The following NCAM2 variants were observed in gnomAD, a reference collection of about 807,000 sequenced individuals.
NCAM2 encodes neural cell adhesion molecule 2.
NCAM2 carries 30 observed loss-of-function variants against 98.1 expected under a neutral mutation model. The ratio of observed to expected loss-of-function variants is 0.31; its 90% CI spans 0.23 to 0.41. NCAM2 has a LOEUF of 0.41. NCAM2 is among the 10% of genes least tolerant of loss of function. The probability of loss-of-function intolerance (pLI) is 1.00; values close to 1 mark genes in which losing one functional copy is unlikely to be tolerated. For synonymous variants in NCAM2, 368 were observed against 342.4 expected (o/e 1.07, Z -0.83); for missense variants, 867 against 1,005.8 (o/e 0.86, Z 1.87).
chr21:21,264,026 C>G (rs1004144519), intron 1 of NCAM2, among the ~76,000 whole-genome samples: 1 of 152,046 alleles, frequency 6.6e-6, no homozygotes, highest in Admixed American at 6.6e-5. Context: ...ATCTGCACAG[C>G]AAAAGAAACC....
chr21:21,407,910 C>T (rs1291549836), intron 9 of NCAM2, among the ~76,000 whole-genome samples: 1 of 152,048 alleles, frequency 6.6e-6, no homozygotes, highest in African/African-American at 2.4e-5. Flanking sequence ...ATAGTTGTTC[C>T]TTTAATCAGT....
At chr21:21,210,771 C>T (rs2069621564) in intron 1 of NCAM2, 5 of 602,108 alleles carry the variant, frequency 8.3e-6, no homozygotes, top group Non-Finnish European at 1.2e-5. Context: ...TGGAGAACAT[C>T]TTATTTACTA....
In NCAM2 at chr21:21,071,119, G is replaced by T. The variant is rs569709925; in HGVS notation, c.55+72501G>T. Among the ~76,000 whole-genome samples, 42 of 152,230 alleles carry T rather than the reference G, an allele frequency of 2.8e-4. No individual in the cohort carries two copies. In the South Asian group the frequency reaches 4.8e-3, roughly 17 times the overall value. ...TGAGCAGTCACAAAATGAGATAAAG[G>T]TTTCAGTGTTTTCACGAAAAACTGA... is the stretch of plus-strand genomic sequence containing the variant. On this transcript the variant is annotated intron_variant, in intron 1 of 17. Coordinates refer to ENST00000400546, the MANE Select transcript of NCAM2 (RefSeq NM_004540.5).
rs1326123181 is a variant in NCAM2 at position 20,998,441 on chromosome 21, G to C, written c.-123G>C. 1.2e-6 allele frequency: 1 copy of C among 849,866 alleles called. No individual in the cohort carries two copies. Among genetic ancestry groups the C allele is most frequent in the African/African-American group, 1.7e-5 (1 of 57,530 alleles). 52.6% of individuals were successfully genotyped at this position (849,866 alleles called of 1,614,324 possible). ...GAGGAGGAGCGCGCGGGCTGCGGGC[G>C]GCTGGGGCACCGCGGGAGCGGCGGC... On this transcript the variant is annotated 5_prime_UTR_variant, in exon 1 of 18. Transcript: ENST00000400546.
chr21:21,349,448 A>G (rs1484676635), intron 8 of NCAM2, among the ~76,000 whole-genome samples: 1 of 152,186 alleles, frequency 6.6e-6, no homozygotes, highest in Non-Finnish European at 1.5e-5. Context: ...ACAAGGACGT[A>G]TAGAAAAGGG....
intron 12 of NCAM2, among the ~76,000 whole-genome samples, chr21:21,446,361 A>G (rs984810688): frequency 6.6e-6 from 1 of 151,758 alleles, no homozygotes; most frequent in Non-Finnish European, 1.5e-5. Flanking sequence ...ATTTTCCTAA[A>G]TTTGCATGTT....
At chr21:21,290,294 TTCC>T (rs1284538085) in intron 4 of NCAM2, 1 of 151,900 alleles carries the variant, frequency 6.6e-6, no homozygotes, top group Non-Finnish European at 1.5e-5. Context: ...TATGATAGTG[TTCC>T]TCTTCATTTT....
intron 14 of NCAM2, among the ~76,000 whole-genome samples, chr21:21,471,216 A>C (rs1984399638): frequency 6.6e-6 from 1 of 151,984 alleles, no homozygotes; most frequent in South Asian, 2.1e-4. Context: ...ATATCACTTG[A>C]TAGTATGCCT....
rs144137032 is a variant in NCAM2, at chr21:21,064,856, C to T, written c.55+66238C>T. The stretch of plus-strand genomic sequence containing the variant: ...TTGATCAACGGGCAACATGATTACT[C>T]TGTGCTCATTTCTTTTCTAGGGTTA... On this transcript the variant is annotated intron_variant, in intron 1 of 17. Coordinates refer to ENST00000400546, the MANE Select transcript of NCAM2 (RefSeq NM_004540.5). Among the ~76,000 whole-genome samples the T allele has an allele frequency of 4.1e-3, 627 of 152,216 alleles. 5 individuals are homozygous for T. The highest frequency in any genetic ancestry group is 0.014 in the African/African-American group (589 of 41,538).
At chr21:21,390,955 T>A (rs545964931) in intron 9 of NCAM2, among the ~76,000 whole-genome samples, 1 of 152,338 alleles carries the variant, frequency 6.6e-6, no homozygotes, top group South Asian at 2.1e-4. Context: ...CACATATTGA[T>A]AAGAAAAACA....
intron 1 of NCAM2, among the ~76,000 whole-genome samples, chr21:21,006,042 AG>A (rs1262531556): frequency 1.3e-5 from 2 of 152,202 alleles, no homozygotes; most frequent in African/African-American, 4.8e-5. Context: ...TGATTTGCCC[AG>A]AGATTTTAAG....
chr21:21,542,749 G>C lies in NCAM2; in HGVS notation c.*4792G>C, dbSNP rs113973812. 6.6e-6 allele frequency: 1 copy of C among 151,828 alleles called. No homozygotes were observed. The highest frequency in any genetic ancestry group is 2.4e-5 in the African/African-American group (1 of 41,408). 9.4% of individuals were successfully genotyped at this position (151,828 alleles called of 1,614,324 possible). ...TTGAGAAGTGCTAGACCAGGGACTA[G>C]GAACGTTGCTTAGATAAAAATTATG... On this transcript the variant is annotated 3_prime_UTR_variant, in exon 18 of 18. Transcript: ENST00000400546.
intron 15 of NCAM2, among the ~76,000 whole-genome samples, chr21:21,485,972 C>A (rs1462929728): frequency 6.6e-6 from 1 of 151,962 alleles, no homozygotes; most frequent in Non-Finnish European, 1.5e-5. Flanking sequence ...TAGTAATAGA[C>A]CTGTAGACTG....
At position 21,027,072 on chromosome 21, in the gene NCAM2, G is replaced by A. The variant is rs1361453472; in HGVS notation, c.55+28454G>A. 4.6e-5 allele frequency among the ~76,000 whole-genome samples: 7 copies of A among 151,928 alleles called. No individual in the cohort carries two copies. The East Asian group carries it at 5.8e-4, about 13-fold the overall frequency. On this transcript the variant is annotated intron_variant, in intron 1 of 17. Transcript: ENST00000400546. ...GTGGTGTCACCATGTTGGCCAGGCCGGTCTTCAACTCCTGACCTTAAATGA... is the reference window on the plus strand; with the variant it reads ...GTGGTGTCACCATGTTGGCCAGGCCAGTCTTCAACTCCTGACCTTAAATGA...
At chr21:21,151,768 T>C (rs1363166980) in intron 1 of NCAM2, among the ~76,000 whole-genome samples, 1 of 152,036 alleles carries the variant, frequency 6.6e-6, no homozygotes, top group Non-Finnish European at 1.5e-5. Context: ...TGTTTTTACA[T>C]GCTTATGTTT....
chr21:21,132,616 A>T (rs994730960), intron 1 of NCAM2, among the ~76,000 whole-genome samples: 7 of 152,216 alleles, frequency 4.6e-5, no homozygotes, highest in Non-Finnish European at 1.0e-4. Context: ...AAAATAACTT[A>T]TTACTAAATT....
intron 1 of NCAM2, among the ~76,000 whole-genome samples, chr21:21,266,256 A>C (rs2147394213): frequency 6.6e-6 from 1 of 152,144 alleles, no homozygotes; most frequent in African/African-American, 2.4e-5. Context: ...CTGTTTTTTT[A>C]CTCATTCAAC....
intron 1 of NCAM2, among the ~76,000 whole-genome samples, chr21:21,040,385 G>A (rs1240839605): frequency 6.6e-6 from 1 of 151,992 alleles, no homozygotes; most frequent in East Asian, 1.9e-4. Context: ...GTGTGTGCGT[G>A]GGTGTGTATA....
chr21:21,385,523 C>A, intron 9 of NCAM2: 1 of 574,870 alleles, frequency 1.7e-6, no homozygotes. Context: ...TTGATAGAAG[C>A]CGCATTTACT....
Sources: allele counts gnomAD v4.1 joint callset (sites outside exome capture counted in the v4.1 genomes callset), GRCh38; gene constraint gnomAD v4.1.1; transcripts MANE v1.5; gene names NCBI Gene and HGNC (gene_info 2026-07-23, HGNC 2026-07-21).